Variants in PTK2 observed in about 807,000 individuals in gnomAD.
PTK2 encodes the protein protein tyrosine kinase 2, also known as focal adhesion kinase 1.
PTK2 carries 45 observed loss-of-function variants against 150.1 expected under a neutral mutation model. The observed-to-expected ratio is 0.30, with a 90% confidence interval of 0.24 to 0.38. The LOEUF is 0.38. PTK2 is among the 10% of genes least tolerant of loss of function. The pLI is 1.00. For missense variants in PTK2, 919 were observed against 1,307.3 expected (o/e 0.70, Z 4.58); for synonymous variants, 432 against 449.2 (o/e 0.96, Z 0.48).
At chr8:140,868,016 G>A (rs2100140357) in intron 4 of PTK2, among the ~76,000 whole-genome samples, 1 of 152,170 alleles carries the variant, frequency 6.6e-6, no homozygotes. Context: ...CCCAACAGCA[G>A]CTAAATACTA....
intron 4 of PTK2, among the ~76,000 whole-genome samples, chr8:140,869,911 C>T (rs1407332934): frequency 6.9e-6 from 1 of 144,368 alleles, no homozygotes; most frequent in Non-Finnish European, 1.5e-5. Context: ...CAGTTGAATA[C>T]TTTCTTTGAG....
At chr8:140,830,084 T>C (rs199727523) in intron 8 of PTK2, among the ~76,000 whole-genome samples, 19 of 149,394 alleles carry the variant, frequency 1.3e-4, no homozygotes, top group East Asian at 5.9e-4. Flanking sequence ...CGCACACACA[T>C]ACACACACAC....
At chr8:140,930,064 C>T (rs1017668335) in intron 1 of PTK2, among the ~76,000 whole-genome samples, 1 of 152,182 alleles carries the variant, frequency 6.6e-6, no homozygotes, top group African/African-American at 2.4e-5. Context: ...TTCTGGTAGA[C>T]TGGTCTACTA....
At chr8:140,811,121 T>A (rs2100101289) in intron 10 of PTK2, among the ~76,000 whole-genome samples, 1 of 152,190 alleles carries the variant, frequency 6.6e-6, no homozygotes, top group South Asian at 2.1e-4. Context: ...GCCACCACAC[T>A]GTGAAATGCT....
chr8:140,917,037 A>G (rs1013666283), intron 2 of PTK2, among the ~76,000 whole-genome samples: 4 of 152,210 alleles, frequency 2.6e-5, no homozygotes, highest in African/African-American at 7.2e-5. Flanking sequence ...AATTTTAGCT[A>G]TTACTATAAG....
At chr8:140,719,114 TG>T (rs1456827594) in intron 22 of PTK2, among the ~76,000 whole-genome samples, 1 of 151,972 alleles carries the variant, frequency 6.6e-6, no homozygotes, top group African/African-American at 2.4e-5. Context: ...AGGCGGAGGT[TG>T]GGGTGAGCTG....
intron 1 of PTK2, among the ~76,000 whole-genome samples, chr8:140,926,269 A>C (rs1265597844): frequency 3.9e-5 from 6 of 152,236 alleles, no homozygotes; most frequent in Non-Finnish European, 7.3e-5. Context: ...GGAACAGAGA[A>C]ATTAAGTAAC....
At chr8:140,702,807 A>G in intron 24 of PTK2, 100 bp from the exon 28 acceptor site, 1 of 1,337,472 alleles carries the variant, frequency 7.5e-7, no homozygotes, top group East Asian at 2.5e-5. Context: ...ATATTGTGGT[A>G]GGCAGAATTA....
At chr8:140,753,135 A>C (rs946170390) in intron 16 of PTK2, among the ~76,000 whole-genome samples, 2 of 152,216 alleles carry the variant, frequency 1.3e-5, no homozygotes, top group Non-Finnish European at 2.9e-5. Flanking sequence ...TTAGAGACAC[A>C]GGGAGTTCTG....
At chr8:140,824,498 G>A (rs1239232991) in intron 8 of PTK2, among the ~76,000 whole-genome samples, 2 of 152,186 alleles carry the variant, frequency 1.3e-5, no homozygotes. Flanking sequence ...AACTAAAACT[G>A]TTGGCGCCTT....
At chr8:140,801,801 TAAC>T (rs1596178122) in intron 11 of PTK2, among the ~76,000 whole-genome samples, 1 of 152,150 alleles carries the variant, frequency 6.6e-6, no homozygotes, top group Non-Finnish European at 1.5e-5. Context: ...ATGCACCACA[TAAC>T]AACATTTTGG....
chr8:140,889,838 G>C (rs895425764), intron 3 of PTK2, among the ~76,000 whole-genome samples: 1 of 152,128 alleles, frequency 6.6e-6, no homozygotes, highest in African/African-American at 2.4e-5. Flanking sequence ...CCCACCTTCA[G>C]AAAGATGTAG....
chr8:140,971,212 G>A (rs1317078524), intron 1 of PTK2, among the ~76,000 whole-genome samples: 3 of 152,198 alleles, frequency 2.0e-5, no homozygotes, highest in Admixed American at 1.3e-4. Flanking sequence ...ACTGGTGATA[G>A]TAAAAATATA....
intron 2 of PTK2, among the ~76,000 whole-genome samples, chr8:140,906,477 T>C (rs2100160914): frequency 6.6e-6 from 1 of 152,194 alleles, no homozygotes; most frequent in Non-Finnish European, 1.5e-5. Flanking sequence ...GGAATATTAT[T>C]CAGCAACAGA....
At chr8:140,723,344 C>T (rs2100044060) in intron 22 of PTK2, among the ~76,000 whole-genome samples, 1 of 152,206 alleles carries the variant, frequency 6.6e-6, no homozygotes, top group Non-Finnish European at 1.5e-5. Context: ...TTCAATCTCA[C>T]TACTTCATTC....
At chr8:140,933,952 A>C (rs1351704443) in intron 1 of PTK2, among the ~76,000 whole-genome samples, 1 of 152,114 alleles carries the variant, frequency 6.6e-6, no homozygotes, top group African/African-American at 2.4e-5. Context: ...AAGATAAGGA[A>C]AAGGAGCCGA....
At chr8:140,987,032 G>T (rs545527181) in intron 1 of PTK2, among the ~76,000 whole-genome samples, 1 of 151,908 alleles carries the variant, frequency 6.6e-6, no homozygotes, top group Non-Finnish European at 1.5e-5. Flanking sequence ...TCATCAAAAC[G>T]TATAATTTAT....
intron 22 of PTK2, among the ~76,000 whole-genome samples, chr8:140,731,544 T>A (rs781668185): frequency 6.6e-6 from 1 of 152,266 alleles, no homozygotes; most frequent in Non-Finnish European, 1.5e-5. Context: ...GATTTTCCTA[T>A]GAGTTTGCCC....
intron 2 of PTK2, among the ~76,000 whole-genome samples, chr8:140,917,216 C>G (rs987187932): frequency 6.6e-6 from 1 of 152,054 alleles, no homozygotes; most frequent in African/African-American, 2.4e-5. Context: ...CATGGTGAAA[C>G]CCTGTCTCTA....
Sources: gnomAD v4.1 joint callset for allele counts (sites outside exome capture counted in the v4.1 genomes callset) on GRCh38, gnomAD v4.1.1 for gene constraint, MANE v1.5 for transcripts, NCBI Gene and HGNC (gene_info 2026-07-23, HGNC 2026-07-21) for gene names.